TPCN1: variants seen among roughly 807,000 people sequenced by gnomAD.
The protein encoded by TPCN1 is two pore channel protein 1.
Under a neutral mutation model 108.8 loss-of-function variants are expected in TPCN1, and 52 were observed. That is an observed-to-expected ratio of 0.48 (90% CI 0.38 to 0.60). TPCN1 has a LOEUF of 0.60. Ranked by LOEUF, TPCN1 falls within the 20% of genes least tolerant of loss-of-function variation. The pLI is 0.00. For missense variants in TPCN1, 806 were observed against 1,072.8 expected (o/e 0.75, Z 3.47); for synonymous variants, 446 against 433.7 (o/e 1.03, Z -0.35).
intron 2 of TPCN1, among the ~76,000 whole-genome samples, chr12:113,259,613 C>T (rs373563501): frequency 2.0e-5 from 3 of 152,204 alleles, no homozygotes; most frequent in Non-Finnish European, 2.9e-5. Context: ...CAGAGGCAGC[C>T]GCCAGCAACA....
intron 25 of TPCN1, chr12:113,292,558 T>C (rs2136772979): frequency 4.8e-6 from 1 of 208,528 alleles, no homozygotes; most frequent in Non-Finnish European, 9.7e-6. Flanking sequence ...ATCACACCAC[T>C]GCACTCCAGC....
At chr12:113,254,378 G>C (rs990706516) in intron 2 of TPCN1, among the ~76,000 whole-genome samples, 1 of 152,180 alleles carries the variant, frequency 6.6e-6, no homozygotes, top group Non-Finnish European at 1.5e-5. Flanking sequence ...CACAAGGAAA[G>C]AAACCTCGGA....
intron 2 of TPCN1, chr12:113,244,646 C>G: frequency 3.0e-6 from 3 of 985,382 alleles, no homozygotes; most frequent in Non-Finnish European, 3.6e-6. Context: ...GAGCTCTTTC[C>G]CATGGTGTGG....
At chr12:113,247,049 G>T (rs770289309) in intron 2 of TPCN1, among the ~76,000 whole-genome samples, 1 of 152,232 alleles carries the variant, frequency 6.6e-6, no homozygotes, top group Non-Finnish European at 1.5e-5. Context: ...CACTAGAGCA[G>T]GTGGGTGTAA....
In TPCN1 at chr12:113,296,037, GC is replaced by G. The variant is rs936208145; in HGVS notation, c.2417del (p.Pro806GlnfsTer26). On this transcript the variant is annotated frameshift_variant, in exon 28 of 28. Transcript: ENST00000335509. LOFTEE classifies it high-confidence loss of function. ...GCAGTGCAGCCCCCGCCGCCCAGCAGCCCCCAGGCAGCCGCCAGCGCTCCCA... is the reference window on the plus strand; with the variant it reads ...GCAGTGCAGCCCCCGCCGCCCAGCAGCCCCAGGCAGCCGCCAGCGCTCCCA... ...SSSAAPAAQQ[P>X]PGSRQRSQTV... The G allele has an allele frequency of 3.1e-6, 5 of 1,613,130 alleles. No individual in the cohort carries two copies. In the African/African-American group the frequency reaches 5.3e-5, roughly 17 times the overall value.
chr12:113,283,236 G>A (rs1486803317), intron 15 of TPCN1, among the ~76,000 whole-genome samples: 1 of 152,224 alleles, frequency 6.6e-6, no homozygotes, highest in African/African-American at 2.4e-5. Flanking sequence ...AAACCTGTAA[G>A]TTGGATACCT....
rs565265342 is a variant in TPCN1 at position 113,231,877 on chromosome 12, G to A, written c.112+4913G>A. 1.1e-4 allele frequency among the ~76,000 whole-genome samples: 17 copies of A among 152,354 alleles called. No individual in the cohort carries two copies. Among genetic ancestry groups the A allele is most frequent in the African/African-American group, 3.4e-4 (14 of 41,584 alleles). ...AGTCAGCGGGGCCACTGTTAGAGCA[G>A]TGTAGAGACAGACCACAGTCCACAC... On this transcript the variant is annotated intron_variant, in intron 2 of 27. Coordinates refer to ENST00000335509, the MANE Select transcript of TPCN1 (RefSeq NM_017901.6). This position sits in a 1 kb window ranked among gnomAD's most constrained non-coding sequence, Gnocchi z 4.3.
intron 7 of TPCN1, among the ~76,000 whole-genome samples, chr12:113,271,284 A>C (rs1217557037): frequency 6.6e-6 from 1 of 152,142 alleles, no homozygotes; most frequent in Non-Finnish European, 1.5e-5. Context: ...CTCAAAAATA[A>C]ATAAGTAATA....
rs71086152 is a variant in TPCN1, at chr12:113,230,283, C to CTTTTTTTT, written c.112+3335_112+3342dup. 2.0e-4 allele frequency among the ~76,000 whole-genome samples: 22 copies of CTTTTTTTT among 108,956 alleles called. 2 individuals carry two copies. Among genetic ancestry groups the CTTTTTTTT allele is most frequent in the African/African-American group, 3.8e-4 (11 of 29,048 alleles). 71.5% of individuals were successfully genotyped at this position (108,956 alleles called of 152,430 possible). A position where few individuals can be genotyped will look rare whatever the true frequency, so the allele number is the denominator to read the frequency against. ...CTACTAGGCCCTGAGATCCATTCATCTTTTTTTTTTTTTTTTTTTTTTTGA... is the reference window on the plus strand; with the variant it reads ...CTACTAGGCCCTGAGATCCATTCATCTTTTTTTTTTTTTTTTTTTTTTTTTTTTTTTGA... On this transcript the variant is annotated intron_variant, in intron 2 of 27. Transcript: ENST00000335509.
At chr12:113,292,040 C>A in intron 25 of TPCN1, 82 bp downstream of exon 25, 1 of 1,213,948 alleles carries the variant, frequency 8.2e-7, no homozygotes, top group Non-Finnish European at 1.2e-6. Flanking sequence ...GCTGTCCAGC[C>A]AGCCATCAGG....
At chr12:113,233,067 A>C (rs188603236) in intron 2 of TPCN1, among the ~76,000 whole-genome samples, 119 of 152,164 alleles carry the variant, frequency 7.8e-4, no homozygotes, top group Non-Finnish European at 1.4e-3. Flanking sequence ...TAAAATGAGT[A>C]AGCATCCAGC....
chr12:113,237,359 C>T (rs1372241556), intron 2 of TPCN1, among the ~76,000 whole-genome samples: 2 of 146,720 alleles, frequency 1.4e-5, no homozygotes, highest in Non-Finnish European at 3.0e-5. Flanking sequence ...GTTCCTACTT[C>T]TTTTTTTTTT....
intron 1 of TPCN1, 79 bp from the exon 2 acceptor site, chr12:113,226,649 A>G (rs1953480917): frequency 6.0e-6 from 7 of 1,160,414 alleles, no homozygotes; most frequent in South Asian, 1.6e-5. Flanking sequence ...CATCACCACT[A>G]TCTAATTTCA....
chr12:113,225,259 A>G, intron 1 of TPCN1: 1 of 452,600 alleles, frequency 2.2e-6, no homozygotes, highest in Non-Finnish European at 4.4e-6. Flanking sequence ...GAGTCTTGCT[A>G]CATTGCCCAG....
chr12:113,291,741 C>T, intron 24 of TPCN1, 64 bp downstream of exon 24: 1 of 1,587,932 alleles, frequency 6.3e-7, no homozygotes, highest in Non-Finnish European at 8.6e-7. Context: ...TGCCCCTGCT[C>T]TTCAGCCTGC....
rs1178719019 is a variant in TPCN1, at chr12:113,266,972, TCA to T, written c.414+619_414+620del. ...GTTTCTCCTTCTTCATGCCTGGAAC[TCA>T]CAGCTCCAGCCAGTCTGTGTTTCTT... is the stretch of plus-strand genomic sequence containing the variant. On this transcript the variant is annotated intron_variant, in intron 4 of 27. Coordinates refer to ENST00000335509, the MANE Select transcript of TPCN1 (RefSeq NM_017901.6). This position sits in a 1 kb window ranked among gnomAD's most constrained non-coding sequence, Gnocchi z 4.2. Among the ~76,000 whole-genome samples, 2 of 152,182 alleles carry T rather than the reference TCA, an allele frequency of 1.3e-5. No homozygotes were observed. Among genetic ancestry groups the T allele is most frequent in the East Asian group, 3.9e-4 (2 of 5,184 alleles).
At chr12:113,292,713 G>A in intron 25 of TPCN1, 1 of 507,428 alleles carries the variant, frequency 2.0e-6, no homozygotes, top group Non-Finnish European at 3.4e-6. Flanking sequence ...GAAACCCTCT[G>A]GCCCTGTAAC....
Position 113,273,713 on chromosome 12 carries a change from C to T in TPCN1, c.942+45C>T, listed in dbSNP as rs759777330. 1.4e-6 allele frequency: 2 copies of T among 1,461,060 alleles called. No individual in the cohort carries two copies. Among genetic ancestry groups the T allele is most frequent in the South Asian group, 2.3e-5 (2 of 88,104 alleles). The allele number at this position is 1,461,060 out of a possible 1,614,324, so 90.5% of individuals were successfully genotyped here. ...GCTACGCTGAAGCAGCCTGCCCCTA[C>T]CCATGCAGCACTAGGCACTGTGGGA... On this transcript the variant is annotated intron_variant, in intron 10 of 27. Transcript: ENST00000335509. This position sits in a 1 kb window ranked among gnomAD's most constrained non-coding sequence, Gnocchi z 4.0.
rs1181395756 is a variant in TPCN1, at chr12:113,289,527, T to C, written c.1797-601T>C. Among the ~76,000 whole-genome samples, 1 of 152,218 alleles carries C rather than the reference T, an allele frequency of 6.6e-6. No individual in the cohort carries two copies. Among genetic ancestry groups the C allele is most frequent in the Non-Finnish European group, 1.5e-5 (1 of 68,040 alleles). Reference sequence around the variant, plus strand: ...CCATTGCAGTCACCAGGGAGCTTAGTGCAAGCTCCAGACCTCACTCTTGTG... The same window carrying C: ...CCATTGCAGTCACCAGGGAGCTTAGCGCAAGCTCCAGACCTCACTCTTGTG... On this transcript the variant is annotated intron_variant, in intron 21 of 27. Transcript: ENST00000335509. The surrounding 1 kb of genome is among the most constrained non-coding windows in gnomAD (Gnocchi z 4.1).
Sources: gnomAD v4.1 joint callset for allele counts (sites outside exome capture counted in the v4.1 genomes callset) on GRCh38, gnomAD v4.1.1 for gene constraint, Gnocchi (gnomAD v3.1) non-coding constraint, MANE v1.5 for transcripts, NCBI Gene and HGNC (gene_info 2026-07-23, HGNC 2026-07-21) for gene names.